The following NECTIN4 variants were observed in gnomAD, a reference collection of about 807,000 sequenced individuals.
The protein encoded by NECTIN4 is nectin-4.
Under a neutral mutation model 51.7 loss-of-function variants are expected in NECTIN4, and 19 were observed. That is an observed-to-expected ratio of 0.37 (90% CI 0.26 to 0.54). The LOEUF is 0.54. Among genes scored for constraint, NECTIN4 ranks in the 20% least tolerant of loss-of-function variants. NECTIN4 has a pLI of 0.86. For missense variants in NECTIN4, 619 were observed against 662.4 expected, an observed-to-expected ratio of 0.93 and a Z score of 0.72; for synonymous variants, 283 against 286.9, an observed-to-expected ratio of 0.99 and a Z score of 0.14.
chr1:161,074,945 T>C (rs1653347733), intron 4 of NECTIN4, among the ~76,000 whole-genome samples, 186 bp from the exon 5 acceptor site: 1 of 152,216 alleles, frequency 6.6e-6, no homozygotes, highest in Admixed American at 6.5e-5. Flanking sequence ...CTGCCCAGCC[T>C]GACCTGGGCA....
intron 2 of NECTIN4, 53 bp downstream of exon 2, chr1:161,079,537 G>T (rs965554232): frequency 6.9e-6 from 11 of 1,594,366 alleles, no homozygotes; most frequent in African/African-American, 1.3e-5. Context: ...CCCCATCTCT[G>T]CTTCCCCCTG....
intron 2 of NECTIN4, 150 bp downstream of exon 2, chr1:161,079,440 G>T: frequency 9.5e-7 from 1 of 1,055,418 alleles, no homozygotes; most frequent in Non-Finnish European, 1.4e-6. Context: ...TTGGGTGCGA[G>T]GATAGCTAGC....
intron 3 of NECTIN4, 32 bp downstream of exon 3, chr1:161,077,421 G>A (rs371130005): frequency 4.2e-5 from 68 of 1,613,040 alleles, no homozygotes; most frequent in Non-Finnish European, 5.1e-5. Context: ...AGAACCCCTT[G>A]GGCCTCCCTA....
intron 1 of NECTIN4, among the ~76,000 whole-genome samples, chr1:161,085,507 G>A (rs950429356): frequency 1.3e-5 from 2 of 151,894 alleles, no homozygotes; most frequent in South Asian, 4.2e-4. Context: ...CCAAATCACA[G>A]CCTCAACTCC....
chr1:161,080,118 G>A (rs1653612397), intron 1 of NECTIN4, among the ~76,000 whole-genome samples, 169 bp from the exon 2 acceptor site: 1 of 152,188 alleles, frequency 6.6e-6, no homozygotes, highest in Admixed American at 6.5e-5. Context: ...CTTCCCAAGA[G>A]GTAGGCGTTA....
chr1:161,088,663 T>C (rs975286938), intron 1 of NECTIN4, among the ~76,000 whole-genome samples: 8 of 152,200 alleles, frequency 5.3e-5, no homozygotes, highest in Admixed American at 1.3e-4. Context: ...AGCTCTCCTA[T>C]AGTCCCCAAC....
In NECTIN4 at chr1:161,073,315, A is replaced by G. The variant is rs1404574135; in HGVS notation, c.1234-16T>C. 1.9e-6 allele frequency: 3 copies of G among 1,612,216 alleles called. No individual in the cohort carries two copies. The highest frequency in any genetic ancestry group is 2.7e-5 in the African/African-American group (2 of 74,866). ...TCTCCTCCGGCTGCAGGGCCCAGAC[A>G]CGGGGCAGTTAGAACAGGGCTCAGC... On this transcript the variant is annotated splice_polypyrimidine_tract_variant and intron_variant, in intron 7 of 8. Transcript: ENST00000368012.
chr1:161,080,806 A>G (rs1557948638), intron 1 of NECTIN4, among the ~76,000 whole-genome samples: 1 of 152,196 alleles, frequency 6.6e-6, no homozygotes, highest in Non-Finnish European at 1.5e-5. Flanking sequence ...GCTATCCATC[A>G]TGTCACCTTA....
At position 161,071,004 on chromosome 1, in the gene NECTIN4, T is replaced by G. The variant is rs1653122897; in HGVS notation, c.*1657A>C. 1 of 152,188 alleles carries G rather than the reference T, an allele frequency of 6.6e-6. No homozygotes were observed. Among genetic ancestry groups the G allele is most frequent in the South Asian group, 2.1e-4 (1 of 4,832 alleles). 9.4% of individuals were successfully genotyped at this position (152,188 alleles called of 1,614,324 possible). ...AGACAGGAGCCAGACAGAACAAGTT[T>G]TGTCTGTTTATTTAAAAACAGAATA... On this transcript the variant is annotated 3_prime_UTR_variant, in exon 9 of 9. Coordinates refer to ENST00000368012, the MANE Select transcript of NECTIN4 (RefSeq NM_030916.3).
chr1:161,077,616 G>A lies in NECTIN4; in HGVS notation c.567C>T (p.Gly189=), dbSNP rs1388716997. 6.2e-7 allele frequency: 1 copy of A among 1,613,680 alleles called. No homozygotes were observed. Among genetic ancestry groups the A allele is most frequent in the Non-Finnish European group, 8.5e-7 (1 of 1,180,050 alleles). ...PSVTWDTEVK[G]TTSSRSFKHS... is the part of the protein sequence containing the mutation. ...GCTTGAAGGAACGGCTGGACGTTGT[G>A]CCTTTGACCTCCGTGTCCCAGGTCA... The change falls in exon 3 of 9, where the codon GGC becomes GGT. Residue 189 remains glycine, a synonymous_variant. Transcript: ENST00000368012.
At chr1:161,078,668 C>A (rs771897803) in intron 2 of NECTIN4, among the ~76,000 whole-genome samples, 1 of 151,934 alleles carries the variant, frequency 6.6e-6, no homozygotes, top group Non-Finnish European at 1.5e-5. Context: ...TTAACTTGAC[C>A]GTAAGTCCAG....
chr1:161,080,074 T>C (rs1653610344), intron 1 of NECTIN4, 125 bp from the exon 2 acceptor site: 1 of 1,146,332 alleles, frequency 8.7e-7, no homozygotes, highest in East Asian at 2.4e-5. Context: ...GCAAAGCACA[T>C]TCAGTTCATT....
Position 161,089,133 on chromosome 1 carries a change from CGTGT to C in NECTIN4, c.79+81_79+84del. The C allele has an allele frequency of 3.4e-6, 4 of 1,160,848 alleles. No individual in the cohort carries two copies. The highest frequency in any genetic ancestry group is 5.2e-6 in the Non-Finnish European group (4 of 771,024). 71.9% of individuals were successfully genotyped at this position (1,160,848 alleles called of 1,614,324 possible). A position where few individuals can be genotyped will look rare whatever the true frequency, so the allele number is the denominator to read the frequency against. On this transcript the variant is annotated intron_variant, in intron 1 of 8. Coordinates refer to ENST00000368012, the MANE Select transcript of NECTIN4 (RefSeq NM_030916.3). The surrounding 1 kb of genome is among the most constrained non-coding windows in gnomAD (Gnocchi z 4.1). ...AGAAAGGAGGATATGTGTGTGCGTG[CGTGT>C]GTGTCTATGTGTTTGTGCATGTGTG...
rs943812162 is a variant in NECTIN4 at position 161,076,471 on chromosome 1, A to C, written c.735T>G (p.Leu245=). Residue 245 remains leucine (L), a synonymous_variant, in exon 4 of 9, where the codon CTT becomes CTG. Transcript: ENST00000368012. ...RITHILHVSF[L]AEASVRGLED... ...CAAGGCCCCTCACAGAGGCCTCAGC[A>C]AGGACTGGAATGGGAAGTGGGAGGA... 1.2e-6 allele frequency: 2 copies of C among 1,613,938 alleles called. No individual in the cohort carries two copies. Among genetic ancestry groups the C allele is most frequent in the African/African-American group, 2.7e-5 (2 of 74,916 alleles).
At position 161,077,628 on chromosome 1, in the gene NECTIN4, C is replaced by T. The variant is rs1000838954; in HGVS notation, c.555G>A (p.Thr185=). ...GGCTGGACGTTGTGCCTTTGACCTC[C>T]GTGTCCCAGGTCACGCTGGGGGCTG... The part of the protein sequence containing the change: ...GSPAPSVTWD[T]EVKGTTSSRS... The change falls in exon 3 of 9, where the codon ACG becomes ACA. Residue 185 remains threonine (T), a synonymous_variant. Transcript: ENST00000368012. 20 of 1,613,730 alleles carry T rather than the reference C, an allele frequency of 1.2e-5. No homozygotes were observed. Among genetic ancestry groups the T allele is most frequent in the Non-Finnish European group, 1.6e-5 (19 of 1,180,042 alleles).
At chr1:161,073,912 G>A (rs1557943675) in intron 6 of NECTIN4, 117 bp from the exon 7 acceptor site, 1 of 919,844 alleles carries the variant, frequency 1.1e-6, no homozygotes, top group Non-Finnish European at 1.7e-6. Context: ...TGCTGGCCCT[G>A]CAAGTGTGAG....
chr1:161,074,648 G>A lies in NECTIN4; in HGVS notation c.963C>T (p.Phe321=). Residue 321 remains phenylalanine (F), a synonymous_variant, in exon 5 of 9, where the codon TTC becomes TTT. Transcript: ENST00000368012. ...CAGTGACCTGAGAATCCCTTGAGGA[G>A]AACTCATTGCTGACATGGCAGACGT... ...GIYVCHVSNE[F]SSRDSQVTVD... 1 of 1,614,266 alleles carries A rather than the reference G, an allele frequency of 6.2e-7. No homozygotes were observed. Among genetic ancestry groups the A allele is most frequent in the South Asian group, 1.1e-5 (1 of 91,090 alleles).
Position 161,074,206 on chromosome 1 carries a change from C to A in NECTIN4, c.1157+11G>T, listed in dbSNP as rs757636919. 6 of 1,613,976 alleles carry A rather than the reference C, an allele frequency of 3.7e-6. No individual in the cohort carries two copies. The African/African-American group carries it at 8.0e-5, about 22-fold the overall frequency. On this transcript the variant is annotated intron_variant, in intron 6 of 8. Coordinates refer to ENST00000368012, the MANE Select transcript of NECTIN4 (RefSeq NM_030916.3). The stretch of plus-strand genomic sequence containing the variant: ...CTTAGTTCTACCCACCCAGGAGTGC[C>A]CAGTACTCACTATTTCTGGGTCATC...
chr1:161,079,724 G>T lies in NECTIN4; in HGVS notation c.305C>A (p.Pro102Gln), dbSNP rs771828043. Residue 102 changes from proline to glutamine, a missense_variant, in exon 2 of 9, where the codon CCG (proline) becomes CAG (glutamine). Pro to Gln is a moderately conservative substitution (Grantham distance 76). Coordinates refer to ENST00000368012, the MANE Select transcript of NECTIN4 (RefSeq NM_030916.3). ...GCCGTCCAGGGGGTTGCGTGGGGGC[G>T]GCGGCTGCTCCACGCGGCCCTCGTA... ...PAYEGRVEQP[P>Q]PPRNPLDGSV... 1 of 1,609,302 alleles carries T rather than the reference G, an allele frequency of 6.2e-7. No individual in the cohort carries two copies. The highest frequency in any genetic ancestry group is 1.1e-5 in the South Asian group (1 of 91,074).
Sources: gnomAD v4.1 joint callset for allele counts (sites outside exome capture counted in the v4.1 genomes callset) on GRCh38, gnomAD v4.1.1 for gene constraint, Gnocchi (gnomAD v3.1) non-coding constraint, MANE v1.5 for transcripts, NCBI Gene and HGNC (gene_info 2026-07-23, HGNC 2026-07-21) for gene names.